The following PHKA2 variants were observed in gnomAD, a reference collection of about 807,000 sequenced individuals.
PHKA2 encodes phosphorylase b kinase regulatory subunit alpha, liver isoform.
Under a neutral mutation model 102.0 loss-of-function variants are expected in PHKA2, and 31 were observed. That is an observed-to-expected ratio of 0.30 (90% CI 0.23 to 0.41). The LOEUF is 0.41. PHKA2 is among the 10% of genes least tolerant of loss of function. The probability of loss-of-function intolerance (pLI) is 1.00; values close to 1 mark genes in which losing one functional copy is unlikely to be tolerated. For missense variants in PHKA2, 858 were observed against 1,023.1 expected (o/e 0.84, Z 2.20); for synonymous variants, 455 against 416.2 (o/e 1.09, Z -1.13).
At position 18,951,255 on chromosome X, in the gene PHKA2, C is replaced by A. The variant is rs1335046059; in HGVS notation, c.303G>T (p.Lys101Asn). ...CCTTGGTGCTCTGAGTGTGTTTGAA[C>A]TTCTCCACTTTGGCCACCTGAGGGA... is the stretch of plus-strand genomic sequence containing the variant. Reference protein sequence around the residue: ...CMMRQVAKVEKFKHTQSTKDS... With the variant: ...CMMRQVAKVENFKHTQSTKDS... Residue 101 changes from lysine (K) to asparagine (N), a missense_variant, in exon 4 of 33, where the codon AAG (lysine) becomes AAT (asparagine). By Grantham distance (94) the Lys-to-Asn change is moderately conservative. Coordinates refer to ENST00000379942, the MANE Select transcript of PHKA2 (RefSeq NM_000292.3). 8.3e-7 allele frequency: 1 copy of A among 1,211,709 alleles called. No individual in the cohort carries two copies. The highest frequency in any genetic ancestry group is 1.1e-6 in the Non-Finnish European group (1 of 895,366).
chrX:18,979,137 A>T (rs1224183831), intron 1 of PHKA2, among the ~76,000 whole-genome samples: 1 of 109,991 alleles, frequency 9.1e-6, no homozygotes, highest in East Asian at 2.8e-4. Context: ...CTGTCTCAAA[A>T]AACAAACAAA....
chrX:18,941,890 G>C (rs926724977), intron 7 of PHKA2, among the ~76,000 whole-genome samples: 1 of 112,799 alleles, frequency 8.9e-6, no homozygotes, highest in Admixed American at 9.3e-5. Context: ...GGGAGAGCAT[G>C]GTACTGTCTG....
chrX:18,976,556 TGAGA>T (rs963417173), intron 1 of PHKA2, among the ~76,000 whole-genome samples: 7 of 110,724 alleles, frequency 6.3e-5, no homozygotes, highest in East Asian at 2.8e-4. Flanking sequence ...TAAAATATTT[TGAGA>T]GAGAGAGAGA....
chrX:18,905,882 T>C, intron 25 of PHKA2, 23 bp from the exon 26 acceptor site: 1 of 1,094,933 alleles, frequency 9.1e-7, no homozygotes, highest in South Asian at 1.8e-5. Context: ...ATCTTGTAAG[T>C]GTCCCAAACA....
intron 19 of PHKA2, among the ~76,000 whole-genome samples, chrX:18,918,244 C>T (rs996687766): frequency 3.8e-4 from 43 of 111,700 alleles, no homozygotes; most frequent in African/African-American, 1.3e-3. Flanking sequence ...CTTTACCTTT[C>T]GAAAAAACAG....
intron 13 of PHKA2, 147 bp from the exon 14 acceptor site, chrX:18,926,734 C>T (rs991916662): frequency 1.7e-5 from 10 of 572,072 alleles, no homozygotes; most frequent in Non-Finnish European, 2.7e-5. Flanking sequence ...TGACAGTGTT[C>T]GTCCTGCTGC....
chrX:18,938,872 A>T, intron 9 of PHKA2, 123 bp from the exon 10 acceptor site: 1 of 614,070 alleles, frequency 1.6e-6, no homozygotes, highest in South Asian at 2.5e-5. Context: ...CATGAGTAGG[A>T]TTTTACTATA....
intron 9 of PHKA2, among the ~76,000 whole-genome samples, chrX:18,939,643 G>A (rs1429778206): frequency 2.7e-5 from 3 of 111,742 alleles, no homozygotes; most frequent in African/African-American, 6.5e-5. Flanking sequence ...ACAGGTGCCC[G>A]CCACCACACC....
intron 32 of PHKA2, chrX:18,893,989 C>G (rs1463491980): frequency 8.5e-6 from 4 of 469,271 alleles, no homozygotes. Flanking sequence ...GGTGTTTGGA[C>G]GAAAACCTGC....
chrX:18,908,750 A>G (rs377500588), intron 21 of PHKA2, 51 bp downstream of exon 21: 3 of 1,024,352 alleles, frequency 2.9e-6, no homozygotes, highest in African/African-American at 3.7e-5. Flanking sequence ...TCCTAAGCCA[A>G]TCTGTTCATG....
At chrX:18,909,767 ACCT>A (rs2047889608) in intron 20 of PHKA2, among the ~76,000 whole-genome samples, 1 of 111,973 alleles carries the variant, frequency 8.9e-6, no homozygotes, top group South Asian at 3.7e-4. Flanking sequence ...ACAGCTAATC[ACCT>A]TTGTATGCTT....
chrX:18,916,271 C>T (rs375735523), intron 19 of PHKA2, among the ~76,000 whole-genome samples: 11 of 111,114 alleles, frequency 9.9e-5, no homozygotes, highest in East Asian at 8.5e-4. Context: ...AAAAATTAGC[C>T]GGATGTGATG....
At position 18,926,501 on chromosome X, in the gene PHKA2, T is replaced by C. The variant is rs779157238; in HGVS notation, c.1411A>G (p.Ile471Val). The change falls in exon 14 of 33, where the codon ATT (isoleucine) becomes GTT (valine). Residue 471 changes from isoleucine (I) to valine (V), a missense_variant. By Grantham distance (29) the Ile-to-Val change is conservative. Coordinates refer to ENST00000379942, the MANE Select transcript of PHKA2 (RefSeq NM_000292.3). ...NVQSIADIHP[I>V]QVQPGRILSH... The stretch of plus-strand genomic sequence containing the variant: ...AGAATCCGGCCCGGCTGGACTTGAA[T>C]TGGATGAATGTCCGCGATACTCTGG... 4.2e-6 allele frequency: 5 copies of C among 1,201,340 alleles called. No individual in the cohort carries two copies. The highest frequency in any genetic ancestry group is 1.8e-5 in the South Asian group (1 of 56,763).
At chrX:18,948,018 G>A (rs1325766249) in intron 5 of PHKA2, among the ~76,000 whole-genome samples, 2 of 111,551 alleles carry the variant, frequency 1.8e-5, no homozygotes, top group Non-Finnish European at 3.8e-5. Context: ...TGGGAAGCGG[G>A]AGAGGAATAA....
chrX:18,964,901 C>T (rs147500603), intron 1 of PHKA2, among the ~76,000 whole-genome samples: 110 of 112,350 alleles, frequency 9.8e-4, no homozygotes, highest in African/African-American at 3.6e-3. Context: ...CACAGGTGTG[C>T]AATTCTCACT....
In PHKA2 at chrX:18,897,271, G is replaced by C. The variant is rs750028556; in HGVS notation, c.3174C>G (p.Ile1058Met). 2 of 1,209,378 alleles carry C rather than the reference G, an allele frequency of 1.7e-6. No homozygotes were observed. Among genetic ancestry groups the C allele is most frequent in the East Asian group, 3.0e-5 (1 of 33,716 alleles). ...TSSSDSGGHH[I>M]GWGERQGQWL... The stretch of plus-strand genomic sequence containing the variant: ...ACTGGCCCTGCCGCTCACCCCAGCC[G>C]ATGTGATGTCCTCCCGAGTCTGAGG... Residue 1058 changes from isoleucine to methionine, a missense_variant, in exon 30 of 33, where the codon ATC (isoleucine) becomes ATG (methionine). By Grantham distance (10) the Ile-to-Met change is conservative. Coordinates refer to ENST00000379942, the MANE Select transcript of PHKA2 (RefSeq NM_000292.3).
intron 12 of PHKA2, among the ~76,000 whole-genome samples, chrX:18,930,523 C>T (rs2048296311): frequency 9.0e-6 from 1 of 111,078 alleles, no homozygotes; most frequent in Non-Finnish European, 1.9e-5. Flanking sequence ...CGTTTCCCAT[C>T]TCACTGATAC....
intron 15 of PHKA2, 149 bp downstream of exon 15, chrX:18,925,519 G>C (rs1043256381): frequency 2.0e-6 from 1 of 496,068 alleles, no homozygotes; most frequent in African/African-American, 2.4e-5. Context: ...CACCTACTAC[G>C]GGCAGACTTG....
intron 18 of PHKA2, among the ~76,000 whole-genome samples, chrX:18,919,764 A>G (rs2048084496): frequency 9.3e-6 from 1 of 107,820 alleles, no homozygotes; most frequent in African/African-American, 3.4e-5. Flanking sequence ...GAGAGAAGAA[A>G]AAAAAGAAAA....
Sources: gnomAD v4.1 joint callset for allele counts (sites outside exome capture counted in the v4.1 genomes callset) on GRCh38, gnomAD v4.1.1 for gene constraint, MANE v1.5 for transcripts, NCBI Gene and HGNC (gene_info 2026-07-23, HGNC 2026-07-21) for gene names.